The following SOX5 variants were observed in gnomAD, a reference collection of about 807,000 sequenced individuals.
SOX5 encodes transcription factor SOX-5.
In SOX5, 9 loss-of-function variants were observed where a neutral mutation model predicts 92.0. The ratio of observed to expected loss-of-function variants is 0.10; its 90% confidence interval spans 0.06 to 0.17. The LOEUF (loss-of-function observed/expected upper bound fraction) is 0.17. Ranked by LOEUF, SOX5 falls within the 10% of genes least tolerant of loss-of-function variation. SOX5 has a pLI of 1.00. For synonymous variants in SOX5, 344 were observed against 336.3 expected, an observed-to-expected ratio of 1.02 and a Z score of -0.25; for missense variants, 642 against 944.5, an observed-to-expected ratio of 0.68 and a Z score of 4.20.
intron 2 of SOX5, among the ~76,000 whole-genome samples, chr12:24,292,263 T>G (rs934932097): frequency 5.3e-5 from 8 of 152,172 alleles, no homozygotes; most frequent in Non-Finnish European, 1.2e-4. Flanking sequence ...CTCATCAAAT[T>G]GAGGGATTCT....
intron 1 of SOX5, among the ~76,000 whole-genome samples, chr12:24,486,434 A>G (rs542100613): frequency 6.6e-6 from 1 of 152,190 alleles, no homozygotes; most frequent in Non-Finnish European, 1.5e-5. Flanking sequence ...AGCAGTTACA[A>G]TGGGAGACTC....
intron 2 of SOX5, 72 bp from the exon 3 acceptor site, chr12:23,846,265 C>T (rs1407395805): frequency 1.7e-6 from 2 of 1,202,482 alleles, no homozygotes; most frequent in Middle Eastern, 2.3e-4. Context: ...TAATTGTTTA[C>T]CTGAAAGAGA....
At chr12:23,652,948 A>G (rs2081807239) in intron 7 of SOX5, among the ~76,000 whole-genome samples, 1 of 152,004 alleles carries the variant, frequency 6.6e-6, no homozygotes, top group South Asian at 2.1e-4. Flanking sequence ...AAAATGTAAC[A>G]GGGAACAAGA....
chr12:24,225,194 T>C (rs1438920453), intron 3 of SOX5, among the ~76,000 whole-genome samples: 5 of 152,188 alleles, frequency 3.3e-5, no homozygotes, highest in African/African-American at 9.7e-5. Flanking sequence ...TGGAAAGGAA[T>C]GTCAGGACCA....
intron 4 of SOX5, among the ~76,000 whole-genome samples, chr12:23,988,293 C>T (rs1431353100): frequency 6.6e-6 from 1 of 152,096 alleles, no homozygotes; most frequent in Admixed American, 6.5e-5. Context: ...TCACCTAGGA[C>T]TAGTTAATCA....
chr12:24,461,566 T>G (rs1212425909), intron 1 of SOX5, among the ~76,000 whole-genome samples: 4 of 152,230 alleles, frequency 2.6e-5, no homozygotes, highest in African/African-American at 9.6e-5. Context: ...CATTGTTACC[T>G]GAAGATAACA....
chr12:23,585,858 G>GC (rs1459875602), intron 9 of SOX5, among the ~76,000 whole-genome samples: 2 of 152,000 alleles, frequency 1.3e-5, no homozygotes, highest in South Asian at 4.2e-4. Context: ...TCTCTTTGTC[G>GC]CCCCCGTGTG....
At position 23,623,123 on chromosome 12, in the gene SOX5, C is replaced by T. The variant is rs190830004; in HGVS notation, c.1017+17689G>A. Among the ~76,000 whole-genome samples the T allele has an allele frequency of 2.5e-4, 38 of 152,196 alleles. No individual in the cohort carries two copies. The East Asian group carries it at 6.0e-3, about 24-fold the overall frequency. On this transcript the variant is annotated intron_variant, in intron 8 of 14. Transcript: ENST00000451604. ...CTGGCACACACATGCATATGCCATT[C>T]ATCCATTCTTTTATTCAATCAGCAA...
intron 1 of SOX5, among the ~76,000 whole-genome samples, chr12:24,409,180 A>G (rs908665715): frequency 2.0e-5 from 3 of 152,256 alleles, no homozygotes; most frequent in Non-Finnish European, 2.9e-5. Context: ...TTGCAGGGGC[A>G]TGGATGAAGC....
chr12:24,518,816 T>A (rs969174864), intron 1 of SOX5, among the ~76,000 whole-genome samples: 3 of 152,210 alleles, frequency 2.0e-5, no homozygotes, highest in African/African-American at 7.2e-5. Context: ...ATGCTTCACT[T>A]TTACACCTGT....
At chr12:24,468,847 G>A (rs962137976) in intron 1 of SOX5, among the ~76,000 whole-genome samples, 4 of 151,938 alleles carry the variant, frequency 2.6e-5, no homozygotes, top group Non-Finnish European at 4.4e-5. Flanking sequence ...CACCATGCCT[G>A]GCCTATTTCC....
chr12:23,764,815 A>C (rs1355604091), intron 3 of SOX5, among the ~76,000 whole-genome samples: 2 of 152,124 alleles, frequency 1.3e-5, no homozygotes, highest in African/African-American at 4.8e-5. Context: ...AAATTATGAC[A>C]GAATGTTTTA....
In SOX5 at chr12:23,732,346, G is replaced by A. The variant is rs565863013; in HGVS notation, c.810+2338C>T. Among the ~76,000 whole-genome samples, 15 of 152,256 alleles carry A rather than the reference G, an allele frequency of 9.9e-5. No homozygotes were observed. In the South Asian group the frequency reaches 3.1e-3, roughly 32 times the overall value. On this transcript the variant is annotated intron_variant, in intron 6 of 14. Transcript: ENST00000451604. The stretch of plus-strand genomic sequence containing the variant: ...CCATAATTGTTTGAACAATCTCGCA[G>A]TAGACTAAACAATTCAAATATATTG...
At chr12:23,695,540 A>G (rs1265687414) in intron 6 of SOX5, among the ~76,000 whole-genome samples, 2 of 152,162 alleles carry the variant, frequency 1.3e-5, no homozygotes, top group African/African-American at 2.4e-5. Context: ...TTCTGCTTCT[A>G]TTAGGATAAT....
chr12:24,023,796 C>T (rs779117732), intron 4 of SOX5, among the ~76,000 whole-genome samples: 18 of 152,058 alleles, frequency 1.2e-4, no homozygotes, highest in Middle Eastern at 3.4e-3. Flanking sequence ...CTGCAGGTAT[C>T]TGTTTATTAA....
At chr12:24,414,901 C>T (rs1003935647) in intron 1 of SOX5, among the ~76,000 whole-genome samples, 12 of 152,102 alleles carry the variant, frequency 7.9e-5, no homozygotes, top group Admixed American at 3.3e-4. Flanking sequence ...TTCAGAATTT[C>T]TACTCCAAAT....
At chr12:23,812,050 C>T (rs1013281367) in intron 3 of SOX5, among the ~76,000 whole-genome samples, 4 of 151,886 alleles carry the variant, frequency 2.6e-5, no homozygotes, top group African/African-American at 9.7e-5. Context: ...CTTATTTTTT[C>T]AAGTAATTTG....
At chr12:24,135,456 T>G (rs930018969) in intron 4 of SOX5, among the ~76,000 whole-genome samples, 1 of 152,202 alleles carries the variant, frequency 6.6e-6, no homozygotes. Context: ...TGTATAATCT[T>G]TAGCTGATTA....
At chr12:24,252,805 T>A (rs1183100722) in intron 3 of SOX5, among the ~76,000 whole-genome samples, 1 of 152,164 alleles carries the variant, frequency 6.6e-6, no homozygotes, top group East Asian at 1.9e-4. Context: ...TAAACCTTGT[T>A]ACAAGCCCTT....
Sources: allele counts gnomAD v4.1 joint callset (sites outside exome capture counted in the v4.1 genomes callset), GRCh38; gene constraint gnomAD v4.1.1; transcripts MANE v1.5; gene names NCBI Gene and HGNC (gene_info 2026-07-23, HGNC 2026-07-21).